The following MAML1 variants were observed in gnomAD, a reference collection of about 807,000 sequenced individuals.
The protein encoded by MAML1 is mastermind like transcriptional coactivator 1.
Under a neutral mutation model 77.1 loss-of-function variants are expected in MAML1, and 14 were observed. The observed-to-expected ratio is 0.18, with a 90% CI of 0.12 to 0.28. The LOEUF (loss-of-function observed/expected upper bound fraction) is 0.28, where lower values mean the gene tolerates loss of function less well. MAML1 is among the 10% of genes least tolerant of loss of function. The probability of loss-of-function intolerance (pLI) is 1.00; values close to 1 mark genes in which losing one functional copy is unlikely to be tolerated. For missense variants in MAML1, 1,217 were observed against 1,327.8 expected (o/e 0.92, Z 1.30); for synonymous variants, 516 against 551.9 (o/e 0.93, Z 0.91).
At chr5:179,760,512 G>A (rs1779705742) in intron 1 of MAML1, among the ~76,000 whole-genome samples, 1 of 152,220 alleles carries the variant, frequency 6.6e-6, no homozygotes, top group Non-Finnish European at 1.5e-5. Flanking sequence ...ATGCTGCACA[G>A]CAGGGAGGGC....
At position 179,732,930 on chromosome 5, in the gene MAML1, G is replaced by A; in HGVS notation, c.-183G>A. 1 of 300,870 alleles carries A rather than the reference G, an allele frequency of 3.3e-6. No homozygotes were observed. The allele number at this position is 300,870 out of a possible 1,614,324, so 18.6% of individuals were successfully genotyped here. On this transcript the variant is annotated 5_prime_UTR_variant, in exon 1 of 5. Transcript: ENST00000292599. The stretch of plus-strand genomic sequence containing the variant: ...GGCTTGAGGTAGGCAGCAAGCGCCG[G>A]CTGGGGGTCGGGCCGAGCGGGGCAG...
At chr5:179,752,275 G>A (rs1779503901) in intron 1 of MAML1, among the ~76,000 whole-genome samples, 1 of 133,172 alleles carries the variant, frequency 7.5e-6, no homozygotes, top group African/African-American at 2.9e-5. Flanking sequence ...GCAGTGAGCC[G>A]AGATCGCACC....
At position 179,766,252 on chromosome 5, in the gene MAML1, C is replaced by A. The variant is rs1214707743; in HGVS notation, c.1242C>A (p.Asn414Lys). The A allele has an allele frequency of 6.2e-7, 1 of 1,613,796 alleles. No individual in the cohort carries two copies. The change falls in exon 2 of 5, where the codon AAC (asparagine) becomes AAA (lysine). Residue 414 changes from asparagine to lysine, a missense_variant. Coordinates refer to ENST00000292599, the MANE Select transcript of MAML1 (RefSeq NM_014757.5). The surrounding 1 kb of genome is among the most constrained non-coding windows in gnomAD (Gnocchi z 4.0). ...AKQKREQMLQ[N>K]PQQATPAPAP... The stretch of plus-strand genomic sequence containing the variant: ...AGAAGCGCGAGCAGATGCTCCAGAA[C>A]CCACAGCAGGCCACCCCGGCACCAG...
At chr5:179,734,252 A>C (rs747809211) in intron 1 of MAML1, among the ~76,000 whole-genome samples, 1 of 152,148 alleles carries the variant, frequency 6.6e-6, no homozygotes, top group Non-Finnish European at 1.5e-5. Context: ...TGTTATGTGT[A>C]TTTTTAAATT....
At chr5:179,752,325 CAAAAAAAAAAAA>C (rs1177449054) in intron 1 of MAML1, among the ~76,000 whole-genome samples, 28 of 53,662 alleles carry the variant, frequency 5.2e-4, no homozygotes, top group African/African-American at 1.4e-3. Flanking sequence ...ACTCTGTCTC[CAAAAAAAAAAAA>C]AAAAAAAAAA....
chr5:179,761,441 A>C lies in MAML1; in HGVS notation c.316-3885A>C, dbSNP rs746801036. ...GCTGGGTGAGGTGCCTCACACCTGT[A>C]ATCCCAGCACTTTGGGAGGCCGAGG... On this transcript the variant is annotated intron_variant, in intron 1 of 4. Coordinates refer to ENST00000292599, the MANE Select transcript of MAML1 (RefSeq NM_014757.5). Among the ~76,000 whole-genome samples the C allele has an allele frequency of 2.0e-5, 3 of 152,146 alleles. No homozygotes were observed. In the South Asian group the frequency reaches 6.2e-4, roughly 32 times the overall value.
At position 179,766,112 on chromosome 5, in the gene MAML1, G is replaced by GGTTTGGA; in HGVS notation, c.1102_1103insGTTTGGA (p.Ala368GlyfsTer96). On this transcript the variant is annotated frameshift_variant, in exon 2 of 5. Coordinates refer to ENST00000292599, the MANE Select transcript of MAML1 (RefSeq NM_014757.5). LOFTEE classifies it high-confidence loss of function. The surrounding 1 kb of genome is among the most constrained non-coding windows in gnomAD (Gnocchi z 4.0). ...CAGTCCAAACCTGATGCCGGCATCA[G>GGTTTGGA]CCCAGGCCCAGAACGCACAAAGAGC... 6.3e-7 allele frequency: 1 copy of GGTTTGGA among 1,578,396 alleles called. No homozygotes were observed. The highest frequency in any genetic ancestry group is 8.6e-7 in the Non-Finnish European group (1 of 1,163,716).
rs572637196 is a variant in MAML1, at chr5:179,775,842, G to A, written c.*965G>A. On this transcript the variant is annotated 3_prime_UTR_variant, in exon 5 of 5. Coordinates refer to ENST00000292599, the MANE Select transcript of MAML1 (RefSeq NM_014757.5). The stretch of plus-strand genomic sequence containing the variant: ...TCTCCTTCCTCTCTGCAGCCCAAAT[G>A]GAAAACAATTATTTACTCCATTGGA... The A allele has an allele frequency of 3.6e-5, 35 of 985,472 alleles. No homozygotes were observed. The African/African-American group carries it at 5.8e-4, about 16-fold the overall frequency. 61.0% of individuals were successfully genotyped at this position (985,472 alleles called of 1,614,324 possible).
intron 4 of MAML1, among the ~76,000 whole-genome samples, chr5:179,773,521 T>TCGCGCCCCA (rs1440996950): frequency 0.01 from 1,385 of 138,448 alleles, 21 homozygotes; most frequent in African/African-American, 0.037. Flanking sequence ...TCGCGCCCCA[T>TCGCGCCCCA]TGCGCCCCAT....
chr5:179,754,438 TA>T (rs1350398521), intron 1 of MAML1, among the ~76,000 whole-genome samples: 1 of 151,778 alleles, frequency 6.6e-6, no homozygotes, highest in Non-Finnish European at 1.5e-5. Flanking sequence ...ATTTGAATAG[TA>T]AAAAATTAGC....
In MAML1 at chr5:179,752,325, C is replaced by CAAAA. The variant is rs1177449054; in HGVS notation, c.316-12978_316-12975dup. The stretch of plus-strand genomic sequence containing the variant: ...TGGCAACAGAGCTAGACTCTGTCTC[C>CAAAA]AAAAAAAAAAAAAAAAAAAAAAAAA... On this transcript the variant is annotated intron_variant, in intron 1 of 4. Coordinates refer to ENST00000292599, the MANE Select transcript of MAML1 (RefSeq NM_014757.5). Among the ~76,000 whole-genome samples the CAAAA allele has an allele frequency of 9.3e-5, 5 of 53,656 alleles. 1 individual carries two copies. Among genetic ancestry groups the CAAAA allele is most frequent in the African/African-American group, 1.1e-4 (2 of 17,458 alleles). The allele number at this position is 53,656 out of a possible 152,430, so 35.2% of individuals were successfully genotyped here.
chr5:179,765,113 G>A (rs554591610), intron 1 of MAML1, among the ~76,000 whole-genome samples: 4 of 152,046 alleles, frequency 2.6e-5, no homozygotes, highest in African/African-American at 9.7e-5. Context: ...TGCAGAAAGA[G>A]GACTGCAGAA....
At chr5:179,738,303 AC>A (rs1779212968) in intron 1 of MAML1, among the ~76,000 whole-genome samples, 1 of 152,150 alleles carries the variant, frequency 6.6e-6, no homozygotes, top group South Asian at 2.1e-4. Flanking sequence ...CCCCATGTGT[AC>A]CTTTTAAGAG....
intron 1 of MAML1, among the ~76,000 whole-genome samples, chr5:179,741,909 TA>T (rs1234408349): frequency 6.6e-6 from 1 of 151,922 alleles, no homozygotes; most frequent in East Asian, 2.0e-4. Flanking sequence ...TTTATTGATT[TA>T]TTTTTTGAGA....
chr5:179,754,060 G>A (rs10794701), intron 1 of MAML1, among the ~76,000 whole-genome samples: 15,716 of 151,924 alleles, frequency 0.1, 936 homozygotes, highest in East Asian at 0.23. Context: ...AAGGTGGGTG[G>A]ATCCCTTGAG....
intron 1 of MAML1, among the ~76,000 whole-genome samples, chr5:179,750,006 A>C (rs1196223575): frequency 1.3e-5 from 2 of 152,242 alleles, no homozygotes. Flanking sequence ...CTCCCGGAGA[A>C]GCAGAAGTCA....
At chr5:179,767,118 T>TTA (rs1554151840) in intron 2 of MAML1, among the ~76,000 whole-genome samples, 7 of 128,548 alleles carry the variant, frequency 5.4e-5, no homozygotes, top group African/African-American at 2.1e-4. Context: ...TTTTTTTTTT[T>TTA]ACTACCTTTC....
chr5:179,750,984 C>CT (rs1460938833), intron 1 of MAML1, among the ~76,000 whole-genome samples: 3 of 151,924 alleles, frequency 2.0e-5, no homozygotes, highest in South Asian at 2.1e-4. Flanking sequence ...TTCAAGGCTA[C>CT]TTTTTTTTAA....
chr5:179,765,836 G>A lies in MAML1; in HGVS notation c.826G>A (p.Glu276Lys), dbSNP rs760270059. 2.5e-6 allele frequency: 4 copies of A among 1,614,146 alleles called. No homozygotes were observed. Among genetic ancestry groups the A allele is most frequent in the Middle Eastern group, 1.6e-4 (1 of 6,062 alleles). Reference sequence around the variant, plus strand: ...GAAGGACCTGTTTAATGAGGACTTCGAGGAGAAGAAGGACCCAGAGTCTTC... The same window carrying A: ...GAAGGACCTGTTTAATGAGGACTTCAAGGAGAAGAAGGACCCAGAGTCTTC... The part of the protein sequence containing the change: ...DMKDLFNEDF[E>K]EKKDPESSGS... The change falls in exon 2 of 5, where the codon GAG becomes AAG. Residue 276 changes from glutamate (E) to lysine (K), a missense_variant. By Grantham distance (56) the Glu-to-Lys change is moderately conservative. Coordinates refer to ENST00000292599, the MANE Select transcript of MAML1 (RefSeq NM_014757.5).
Sources: allele counts gnomAD v4.1 joint callset (sites outside exome capture counted in the v4.1 genomes callset), GRCh38; gene constraint gnomAD v4.1.1; non-coding constraint Gnocchi (gnomAD v3.1); transcripts MANE v1.5; gene names NCBI Gene and HGNC (gene_info 2026-07-23, HGNC 2026-07-21).